The following HECTD3 variants were observed in gnomAD, a reference collection of about 807,000 sequenced individuals.
HECTD3 encodes HECT domain E3 ubiquitin protein ligase 3, also known as E3 ubiquitin-protein ligase HECTD3.
In HECTD3, 72 loss-of-function variants were observed where a neutral mutation model predicts 109.3. The observed-to-expected ratio is 0.66, with a 90% confidence interval of 0.54 to 0.80. HECTD3 has a LOEUF of 0.80. Among genes scored for constraint, HECTD3 ranks in the 30% least tolerant of loss-of-function variants. The pLI, the probability that HECTD3 is intolerant of heterozygous loss-of-function variation, is 0.00. For missense variants in HECTD3, 1,041 were observed against 1,165.2 expected, an observed-to-expected ratio of 0.89 and a Z score of 1.55; for synonymous variants, 481 against 471.8, an observed-to-expected ratio of 1.02 and a Z score of -0.25.
At position 45,004,582 on chromosome 1, in the gene HECTD3, C is replaced by T; in HGVS notation, c.2142+18G>A. On this transcript the variant is annotated intron_variant, in intron 16 of 20. Transcript: ENST00000372172. Reference sequence around the variant, plus strand: ...GGAGGGGCCAAAGCTCTCTGCTCTACTAGCCTCTGGGTACTACCTGCTCCT... The same window carrying T: ...GGAGGGGCCAAAGCTCTCTGCTCTATTAGCCTCTGGGTACTACCTGCTCCT... 2.5e-6 allele frequency: 4 copies of T among 1,613,634 alleles called. No homozygotes were observed. The highest frequency in any genetic ancestry group is 3.4e-6 in the Non-Finnish European group (4 of 1,179,854).
At position 45,009,508 on chromosome 1, in the gene HECTD3, G is replaced by A. The variant is rs959465629; in HGVS notation, c.876-26C>T. 15 of 1,607,596 alleles carry A rather than the reference G, an allele frequency of 9.3e-6. No homozygotes were observed. In the African/African-American group the frequency reaches 1.9e-4, roughly 20 times the overall value. On this transcript the variant is annotated intron_variant, in intron 5 of 20. Transcript: ENST00000372172. ...CTGAAGGGTCAGAGTGTGAATATGA[G>A]TCTTTGTGAACCCACAGGGACATAG...
chr1:45,002,736 C>T lies in HECTD3; in HGVS notation c.*756G>A, dbSNP rs1161578515. On this transcript the variant is annotated 3_prime_UTR_variant, in exon 21 of 21. Coordinates refer to ENST00000372172, the MANE Select transcript of HECTD3 (RefSeq NM_024602.6). ...AGATTTCAAAAAGGCCATAACTGGC[C>T]TTAACCTGTGCAAAATCTTGGGGGT... is the stretch of plus-strand genomic sequence containing the variant. The T allele has an allele frequency of 6.5e-6, 1 of 152,964 alleles. No homozygotes were observed. The highest frequency in any genetic ancestry group is 2.4e-5 in the African/African-American group (1 of 41,430). 9.5% of individuals were successfully genotyped at this position (152,964 alleles called of 1,614,324 possible).
Position 45,010,691 on chromosome 1 carries a change from G to T in HECTD3, c.385C>A (p.His129Asn). The T allele has an allele frequency of 6.4e-7, 1 of 1,557,166 alleles. No individual in the cohort carries two copies. Among genetic ancestry groups the T allele is most frequent in the Non-Finnish European group, 8.6e-7 (1 of 1,156,698 alleles). ...VKLTKEQLAE[H>N]LGDCGLQEGW... is the part of the protein sequence containing the mutation. ...TCCTGCAGCCCGCAGTCGCCCAGGT[G>T]CTCTGCCAGCTGCTCCTGCCGGGAC... Residue 129 changes from histidine (H) to asparagine (N), a missense_variant, in exon 2 of 21, where the codon CAC (histidine) becomes AAC (asparagine). By Grantham distance (68) the His-to-Asn change is moderately conservative. Transcript: ENST00000372172.
In HECTD3 at chr1:45,003,346, C is replaced by T; in HGVS notation, c.*146G>A. The T allele has an allele frequency of 1.5e-6, 1 of 686,434 alleles. No homozygotes were observed. The highest frequency in any genetic ancestry group is 2.6e-6 in the Non-Finnish European group (1 of 391,136). The allele number at this position is 686,434 out of a possible 1,614,324, so 42.5% of individuals were successfully genotyped here. ...TAGTGTTACCTGACCATGCCAGCTG[C>T]CCCTACCCCAACTGCACACAGGAGC... On this transcript the variant is annotated 3_prime_UTR_variant, in exon 21 of 21. Coordinates refer to ENST00000372172, the MANE Select transcript of HECTD3 (RefSeq NM_024602.6). The surrounding 1 kb of genome is among the most constrained non-coding windows in gnomAD (Gnocchi z 4.7).
Position 45,008,536 on chromosome 1 carries a change from C to A in HECTD3, c.1238G>T (p.Arg413Ile). 1 of 1,612,454 alleles carries A rather than the reference C, an allele frequency of 6.2e-7. No individual in the cohort carries two copies. Among genetic ancestry groups the A allele is most frequent in the East Asian group, 2.2e-5 (1 of 44,788 alleles). Residue 413 changes from arginine (R) to isoleucine (I), a missense_variant and splice_region_variant, in exon 8 of 21, where the codon AGA becomes ATA. By Grantham distance (97) the Arg-to-Ile change is moderately conservative. Around this residue, in one of 2 missense-constraint regions of HECTD3, gnomAD observed 569 missense variants for 715.3 expected, o/e 0.80. Coordinates refer to ENST00000372172, the MANE Select transcript of HECTD3 (RefSeq NM_024602.6). ...VLYRRAVLLQ[R>I]FIKILDSVLH... ...CCCATAGGTCCAGGACCACAGCCACCTCTGCAGGAGGACAGCTCTGCGGTA... is the reference window on the plus strand; with the variant it reads ...CCCATAGGTCCAGGACCACAGCCACATCTGCAGGAGGACAGCTCTGCGGTA...
In HECTD3 at chr1:45,003,424, G is replaced by A. The variant is rs1258379089; in HGVS notation, c.*68C>T. The A allele has an allele frequency of 1.1e-5, 16 of 1,407,516 alleles. No homozygotes were observed. Among genetic ancestry groups the A allele is most frequent in the Admixed American group, 1.7e-5 (1 of 59,238 alleles). The allele number at this position is 1,407,516 out of a possible 1,614,324, so 87.2% of individuals were successfully genotyped here. A position where few individuals can be genotyped will look rare whatever the true frequency, so the allele number is the denominator to read the frequency against. On this transcript the variant is annotated 3_prime_UTR_variant, in exon 21 of 21. Transcript: ENST00000372172. This position sits in a 1 kb window ranked among gnomAD's most constrained non-coding sequence, Gnocchi z 4.7. The stretch of plus-strand genomic sequence containing the variant: ...TCAGCCAAACCAGGGCAGGGAAGGT[G>A]TCTTCGCCCTGGGCAAGGCCAAGAG...
At chr1:45,007,619 C>A (rs1644748145) in intron 9 of HECTD3, 24 bp from the exon 10 acceptor site, 1 of 1,596,262 alleles carries the variant, frequency 6.3e-7, no homozygotes, top group South Asian at 1.1e-5. Flanking sequence ...GTGGCCAGAG[C>A]AGGAATGAGT....
Position 45,006,299 on chromosome 1 carries a change from C to A in HECTD3, c.1726-183G>T. 1.6e-6 allele frequency: 1 copy of A among 624,932 alleles called. No homozygotes were observed. The highest frequency in any genetic ancestry group is 2.6e-6 in the Non-Finnish European group (1 of 378,370). The allele number at this position is 624,932 out of a possible 1,614,324, so 38.7% of individuals were successfully genotyped here. On this transcript the variant is annotated intron_variant, in intron 13 of 20. Coordinates refer to ENST00000372172, the MANE Select transcript of HECTD3 (RefSeq NM_024602.6). This position sits in a 1 kb window ranked among gnomAD's most constrained non-coding sequence, Gnocchi z 4.7. The stretch of plus-strand genomic sequence containing the variant: ...CTGAGCAACTCAGTCCCTCCTCTGC[C>A]CTATTTCTATTTTTTTTTTTTTTTG...
intron 15 of HECTD3, chr1:45,005,569 C>T (rs1480167253): frequency 6.9e-5 from 29 of 418,642 alleles, no homozygotes; most frequent in East Asian, 6.4e-4. Flanking sequence ...TTGGGGCAAA[C>T]GTCGAGGGTA....
At chr1:45,010,351 C>T in intron 2 of HECTD3, 58 bp from the exon 3 acceptor site, 3 of 1,533,786 alleles carry the variant, frequency 2.0e-6, no homozygotes, top group Non-Finnish European at 1.8e-6. Flanking sequence ...CAAGACACTA[C>T]CTCCATGCCG....
chr1:45,010,088 G>A lies in HECTD3; in HGVS notation c.657C>T (p.Asp219=), dbSNP rs749824158. The A allele has an allele frequency of 3.8e-6, 6 of 1,594,802 alleles. No individual in the cohort carries two copies. Among genetic ancestry groups the A allele is most frequent in the South Asian group, 1.1e-5 (1 of 88,702 alleles). The part of the protein sequence containing the change: ...YVPPTWTYEC[D]EDLIHFLYDH... ...CATACAAGAAGTGGATCAGGTCCTC[G>A]TCGCACTCGTAGGTCCATGTCGGGG... The change falls in exon 4 of 21, where the codon GAC becomes GAT. Residue 219 remains aspartate (D), a synonymous_variant. Transcript: ENST00000372172.
At position 45,007,200 on chromosome 1, in the gene HECTD3, C is replaced by T. The variant is rs756852662; in HGVS notation, c.1556+19G>A. ...CACAAACAGGTGTCCCGAGTAAGTCCCTCACTCTCATGCCATACCTGTAGT... is the reference window on the plus strand; with the variant it reads ...CACAAACAGGTGTCCCGAGTAAGTCTCTCACTCTCATGCCATACCTGTAGT... On this transcript the variant is annotated intron_variant, in intron 11 of 20. Transcript: ENST00000372172. The T allele has an allele frequency of 1.9e-6, 3 of 1,601,566 alleles. No individual in the cohort carries two copies. The highest frequency in any genetic ancestry group is 1.7e-6 in the Non-Finnish European group (2 of 1,170,142).
rs1415700142 is a variant in HECTD3, at chr1:45,003,290, T to C, written c.*202A>G. 1 of 584,338 alleles carries C rather than the reference T, an allele frequency of 1.7e-6. No homozygotes were observed. The highest frequency in any genetic ancestry group is 3.1e-6 in the Non-Finnish European group (1 of 325,320). 36.2% of individuals were successfully genotyped at this position (584,338 alleles called of 1,614,324 possible). A position where few individuals can be genotyped will look rare whatever the true frequency, so the allele number is the denominator to read the frequency against. On this transcript the variant is annotated 3_prime_UTR_variant, in exon 21 of 21. Coordinates refer to ENST00000372172, the MANE Select transcript of HECTD3 (RefSeq NM_024602.6). The surrounding 1 kb of genome is among the most constrained non-coding windows in gnomAD (Gnocchi z 4.7). The stretch of plus-strand genomic sequence containing the variant: ...CTCGGGAAGCAAGCCCCAGCACGGG[T>C]AGGGCTTGTGGGTCTGCGGGGCTGG...
intron 10 of HECTD3, 28 bp from the exon 11 acceptor site, chr1:45,007,299 G>A (rs1429464905): frequency 3.1e-6 from 5 of 1,610,416 alleles, no homozygotes; most frequent in Non-Finnish European, 3.4e-6. Context: ...AGGAGTCATA[G>A]GAAAGCAAGA....
At chr1:45,008,166 C>T in intron 9 of HECTD3, 74 bp downstream of exon 9, 4 of 1,199,994 alleles carry the variant, frequency 3.3e-6, no homozygotes, top group Non-Finnish European at 3.6e-6. Flanking sequence ...ATTTTAGGAA[C>T]TCTGCTAAGG....
In HECTD3 at chr1:45,006,862, G is replaced by A. The variant is rs1268198187; in HGVS notation, c.1622-67C>T. The A allele has an allele frequency of 6.4e-7, 1 of 1,571,896 alleles. No homozygotes were observed. Among genetic ancestry groups the A allele is most frequent in the African/African-American group, 1.4e-5 (1 of 73,990 alleles). ...GCTCCCATAATGGGGTAATGAATAG[G>A]TCCCCCATCATCATTAGCTGGTGAA... On this transcript the variant is annotated intron_variant, in intron 12 of 20. Coordinates refer to ENST00000372172, the MANE Select transcript of HECTD3 (RefSeq NM_024602.6). The surrounding 1 kb of genome is among the most constrained non-coding windows in gnomAD (Gnocchi z 4.7).
In HECTD3 at chr1:45,003,176, T is replaced by C. The variant is rs552816272; in HGVS notation, c.*316A>G. 16 of 356,172 alleles carry C rather than the reference T, an allele frequency of 4.5e-5. 1 individual carries two copies. The South Asian group carries it at 5.2e-4, about 12-fold the overall frequency. 22.1% of individuals were successfully genotyped at this position (356,172 alleles called of 1,614,324 possible). On this transcript the variant is annotated 3_prime_UTR_variant, in exon 21 of 21. Coordinates refer to ENST00000372172, the MANE Select transcript of HECTD3 (RefSeq NM_024602.6). The surrounding 1 kb of genome is among the most constrained non-coding windows in gnomAD (Gnocchi z 4.7). ...TGAAAATGGAGGCAAAGTCCATGGG[T>C]TGGGGACCTAGATGGCCCCCTTCAA...
In HECTD3 at chr1:45,003,918, A is replaced by C; in HGVS notation, c.2366T>G (p.Leu789Arg). The C allele has an allele frequency of 1.2e-6, 2 of 1,613,548 alleles. No individual in the cohort carries two copies. Among genetic ancestry groups the C allele is most frequent in the Non-Finnish European group, 8.5e-7 (1 of 1,179,714 alleles). The stretch of plus-strand genomic sequence containing the variant: ...GCGACTGCGGCCCGTGACAAAGCGC[A>C]GGAAGCGGCTCCGGTCCTCTGGAGG... ...NFTNEDRSRFLRFVTGRSRLP... is the reference protein window; with the variant it reads ...NFTNEDRSRFRRFVTGRSRLP... The change falls in exon 19 of 21, where the codon CTG becomes CGG. Residue 789 changes from leucine to arginine, a missense_variant. By Grantham distance (102) the Leu-to-Arg change is moderately radical (BLOSUM62 -2). Around this residue, in one of 2 missense-constraint regions of HECTD3, gnomAD observed 569 missense variants for 715.3 expected, o/e 0.80. Coordinates refer to ENST00000372172, the MANE Select transcript of HECTD3 (RefSeq NM_024602.6). The surrounding 1 kb of genome is among the most constrained non-coding windows in gnomAD (Gnocchi z 4.7).
At position 45,006,564 on chromosome 1, in the gene HECTD3, A is replaced by G. The variant is rs1644737377; in HGVS notation, c.1725+128T>C. On this transcript the variant is annotated intron_variant, in intron 13 of 20. Transcript: ENST00000372172. This position sits in a 1 kb window ranked among gnomAD's most constrained non-coding sequence, Gnocchi z 4.7. ...TGATCTGCCCGCCTCGGCTTCCCAA[A>G]GTGCTGGGATTACAGGCGTGAGCCA... 2.7e-6 allele frequency: 2 copies of G among 740,520 alleles called. No homozygotes were observed. Among genetic ancestry groups the G allele is most frequent in the Non-Finnish European group, 4.4e-6 (2 of 455,426 alleles). 45.9% of individuals were successfully genotyped at this position (740,520 alleles called of 1,614,324 possible).
Sources: allele counts gnomAD v4.1 joint callset, GRCh38; gene constraint gnomAD v4.1.1; regional missense constraint gnomAD v4.1.1; non-coding constraint Gnocchi (gnomAD v3.1); transcripts MANE v1.5; gene names NCBI Gene and HGNC (gene_info 2026-07-23, HGNC 2026-07-21).